The following CPED1 variants were observed in gnomAD, a reference collection of about 807,000 sequenced individuals.
The protein encoded by CPED1 is cadherin-like and PC-esterase domain-containing protein 1.
A neutral mutation model predicts 128.2 loss-of-function variants in CPED1; 114 were observed. The ratio of observed to expected loss-of-function variants is 0.89; its 90% CI spans 0.76 to 1.04. The LOEUF is 1.04. Ranked by LOEUF, CPED1 falls within the 50% of genes least tolerant of loss-of-function variation. The pLI is 0.00. For synonymous variants in CPED1, 462 were observed against 426.7 expected (o/e 1.08, Z -1.02); for missense variants, 1,211 against 1,207.1 (o/e 1.00, Z -0.05).
At chr7:120,995,598 A>C (rs1224189893) in intron 2 of CPED1, among the ~76,000 whole-genome samples, 1 of 152,200 alleles carries the variant, frequency 6.6e-6, no homozygotes, top group East Asian at 1.9e-4. Flanking sequence ...AATACTACAA[A>C]AATTTAAATA....
intron 16 of CPED1, among the ~76,000 whole-genome samples, chr7:121,195,411 T>C (rs184000767): frequency 1.6e-4 from 25 of 152,312 alleles, no homozygotes; most frequent in Non-Finnish European, 3.1e-4. Context: ...TTTTCTAGTG[T>C]TTACAGATAC....
At chr7:121,167,417 G>A (rs888805924) in intron 16 of CPED1, among the ~76,000 whole-genome samples, 1 of 152,184 alleles carries the variant, frequency 6.6e-6, no homozygotes, top group South Asian at 2.1e-4. Context: ...TCTTTGGAAT[G>A]CAACCAAGAT....
In CPED1 at chr7:120,989,993, C is replaced by T. The variant is rs377101259; in HGVS notation, c.249+123C>T. 10 of 1,139,052 alleles carry T rather than the reference C, an allele frequency of 8.8e-6. No individual in the cohort carries two copies. The African/African-American group carries it at 1.4e-4, about 16-fold the overall frequency. 70.6% of individuals were successfully genotyped at this position (1,139,052 alleles called of 1,614,324 possible). On this transcript the variant is annotated intron_variant, in intron 2 of 22. Transcript: ENST00000310396. ...TGAAAGGGATCCAGAGTGTAAACAG[C>T]CTAGAGAGTGACCTGATGACTGGGA... is the stretch of plus-strand genomic sequence containing the variant.
chr7:121,134,134 A>T (rs1795735486), intron 13 of CPED1, among the ~76,000 whole-genome samples: 1 of 152,070 alleles, frequency 6.6e-6, no homozygotes, highest in Admixed American at 6.6e-5. Context: ...TTGTACTCTG[A>T]TGTTAACTAC....
At chr7:121,141,864 C>T in intron 15 of CPED1, 109 bp from the exon 16 acceptor site, 8 of 784,760 alleles carry the variant, frequency 1.0e-5, no homozygotes, top group South Asian at 2.1e-5. Context: ...CAGACCTTTC[C>T]TGTTATTTAT....
intron 2 of CPED1, among the ~76,000 whole-genome samples, chr7:121,009,526 G>C (rs1179584189): frequency 6.6e-6 from 1 of 150,436 alleles, no homozygotes; most frequent in Non-Finnish European, 1.5e-5. Context: ...AGGATGGCTT[G>C]AGCCTGAGAG....
At chr7:121,177,066 A>C (rs1796799439) in intron 16 of CPED1, among the ~76,000 whole-genome samples, 1 of 152,024 alleles carries the variant, frequency 6.6e-6, no homozygotes, top group South Asian at 2.1e-4. Flanking sequence ...AGTAGCGTAG[A>C]TTTTGGTATT....
intron 3 of CPED1, among the ~76,000 whole-genome samples, chr7:121,041,188 A>G (rs1434180823): frequency 6.6e-6 from 1 of 152,114 alleles, no homozygotes; most frequent in Admixed American, 6.6e-5. Flanking sequence ...TGATTTAATT[A>G]TAATTGTTTG....
chr7:121,075,005 T>A (rs181632450), intron 5 of CPED1, among the ~76,000 whole-genome samples: 1 of 152,312 alleles, frequency 6.6e-6, no homozygotes, highest in Admixed American at 6.5e-5. Flanking sequence ...CAACTGCAGC[T>A]ACAGACCTCA....
intron 3 of CPED1, among the ~76,000 whole-genome samples, chr7:121,039,693 A>G (rs1792997197): frequency 6.6e-6 from 1 of 152,090 alleles, no homozygotes; most frequent in South Asian, 2.1e-4. Context: ...ACACTTCAAA[A>G]GAAAATGACA....
intron 16 of CPED1, among the ~76,000 whole-genome samples, chr7:121,177,840 T>C (rs1354000985): frequency 2.6e-5 from 4 of 152,194 alleles, no homozygotes; most frequent in African/African-American, 9.6e-5. Context: ...GTTCTATTCT[T>C]ATGACCAGGG....
At chr7:121,180,223 T>C (rs1796872320) in intron 16 of CPED1, among the ~76,000 whole-genome samples, 1 of 152,084 alleles carries the variant, frequency 6.6e-6, no homozygotes, top group South Asian at 2.1e-4. Flanking sequence ...CTCATTATAT[T>C]TTCATGTGAG....
intron 18 of CPED1, among the ~76,000 whole-genome samples, chr7:121,250,792 C>G (rs1798653323): frequency 2.0e-5 from 3 of 152,082 alleles, no homozygotes; most frequent in Admixed American, 2.0e-4. Flanking sequence ...TCTGAATAGA[C>G]CAATAACAGG....
At chr7:121,026,208 C>G (rs117623923) in intron 3 of CPED1, among the ~76,000 whole-genome samples, 1 of 152,232 alleles carries the variant, frequency 6.6e-6, no homozygotes, top group East Asian at 1.9e-4. Flanking sequence ...AAAACAAAAA[C>G]AGAGGACTTG....
At chr7:121,135,285 A>G (rs1440396307) in intron 13 of CPED1, among the ~76,000 whole-genome samples, 1 of 152,100 alleles carries the variant, frequency 6.6e-6, no homozygotes, top group African/African-American at 2.4e-5. Flanking sequence ...CTATATGTCA[A>G]TAATATTTTT....
chr7:121,248,429 C>T (rs1798589573), intron 18 of CPED1, among the ~76,000 whole-genome samples: 1 of 152,078 alleles, frequency 6.6e-6, no homozygotes, highest in South Asian at 2.1e-4. Flanking sequence ...GGTGACCTCT[C>T]TCCCCACCAT....
At chr7:121,286,207 A>G (rs1210030035) in intron 22 of CPED1, among the ~76,000 whole-genome samples, 1 of 151,964 alleles carries the variant, frequency 6.6e-6, no homozygotes, top group Non-Finnish European at 1.5e-5. Context: ...GGAGGTAACT[A>G]CCCCCATGAT....
intron 16 of CPED1, among the ~76,000 whole-genome samples, chr7:121,156,458 G>A (rs565742031): frequency 2.2e-4 from 33 of 152,174 alleles, no homozygotes; most frequent in African/African-American, 7.9e-4. Flanking sequence ...ACAGATGAGT[G>A]GATAAAGAAA....
At chr7:121,208,547 C>A (rs547524761) in intron 16 of CPED1, among the ~76,000 whole-genome samples, 1 of 152,102 alleles carries the variant, frequency 6.6e-6, no homozygotes, top group South Asian at 2.1e-4. Flanking sequence ...GAAACTGAGG[C>A]AACAATGGGT....
Sources: gnomAD v4.1 joint callset for allele counts (sites outside exome capture counted in the v4.1 genomes callset) on GRCh38, gnomAD v4.1.1 for gene constraint, MANE v1.5 for transcripts, NCBI Gene and HGNC (gene_info 2026-07-23, HGNC 2026-07-21) for gene names.